CISD2: variants seen among roughly 807,000 people sequenced by gnomAD.
CISD2 encodes CDGSH iron sulfur domain 2.
Under a neutral mutation model 12.9 loss-of-function variants are expected in CISD2, and 1 was observed. The observed-to-expected ratio is 0.08, with a 90% CI of 0.03 to 0.37. The LOEUF is 0.37. Ranked by LOEUF, CISD2 falls within the 10% of genes least tolerant of loss-of-function variation. The pLI is 0.99. For missense variants in CISD2, 97 were observed against 163.1 expected (o/e 0.59, Z 2.21); for synonymous variants, 50 against 60.6 (o/e 0.83, Z 0.81).
chr4:102,875,075 C>T (rs1422945112), intron 1 of CISD2, among the ~76,000 whole-genome samples: 2 of 152,210 alleles, frequency 1.3e-5, no homozygotes, highest in African/African-American at 4.8e-5. Flanking sequence ...CATACGGCAC[C>T]TGCTCAGTTC....
intron 2 of CISD2, among the ~76,000 whole-genome samples, chr4:102,886,561 T>TA (rs2110402311): frequency 6.6e-6 from 1 of 152,268 alleles, no homozygotes; most frequent in South Asian, 2.1e-4. Flanking sequence ...TAATTATTAT[T>TA]ATGTGTATCT....
At chr4:102,886,207 G>A (rs1257672153) in intron 2 of CISD2, among the ~76,000 whole-genome samples, 1 of 152,138 alleles carries the variant, frequency 6.6e-6, no homozygotes, top group Non-Finnish European at 1.5e-5. Flanking sequence ...AATACACGCA[G>A]GCCAGGCGCG....
chr4:102,879,349 T>C (rs565839427), intron 1 of CISD2, among the ~76,000 whole-genome samples: 10 of 152,290 alleles, frequency 6.6e-5, no homozygotes, highest in Non-Finnish European at 1.0e-4. Flanking sequence ...TAGTAAGCAC[T>C]TAATAAAAAT....
chr4:102,869,660 A>G, intron 1 of CISD2: 1 of 611,648 alleles, frequency 1.6e-6, no homozygotes, highest in South Asian at 1.9e-5. Flanking sequence ...CGTAACACGT[A>G]TATGACCGTT....
intron 1 of CISD2, among the ~76,000 whole-genome samples, chr4:102,872,607 T>G (rs965776113): frequency 4.6e-5 from 7 of 152,250 alleles, no homozygotes; most frequent in Admixed American, 4.6e-4. Flanking sequence ...GTTCTAGTTC[T>G]GTGGAATGTA....
intron 1 of CISD2, among the ~76,000 whole-genome samples, chr4:102,873,429 A>G (rs188759637): frequency 5.3e-5 from 8 of 151,862 alleles, no homozygotes; most frequent in African/African-American, 1.9e-4. Flanking sequence ...ACGCTACCAC[A>G]CCTGGCTCAT....
chr4:102,892,575 T>C lies in CISD2; in HGVS notation c.*5145T>C, dbSNP rs1210283084. 1 of 152,234 alleles carries C rather than the reference T, an allele frequency of 6.6e-6. No homozygotes were observed. Among genetic ancestry groups the C allele is most frequent in the African/African-American group, 2.4e-5 (1 of 41,468 alleles). The allele number at this position is 152,234 out of a possible 1,614,324, so 9.4% of individuals were successfully genotyped here. A position where few individuals can be genotyped will look rare whatever the true frequency, so the allele number is the denominator to read the frequency against. The stretch of plus-strand genomic sequence containing the variant: ...TTCCTTTGGTTTAAATGCTTGATTC[T>C]TCGCTTACAAAACTTCTGTTTTGAA... On this transcript the variant is annotated 3_prime_UTR_variant, in exon 3 of 3. Coordinates refer to ENST00000273986, the MANE Select transcript of CISD2 (RefSeq NM_001008388.5).
chr4:102,869,305 C>G (rs1733353684), intron 1 of CISD2, 118 bp downstream of exon 1: 1 of 1,394,266 alleles, frequency 7.2e-7, no homozygotes, highest in Non-Finnish European at 9.8e-7. Flanking sequence ...ACGTGATCCC[C>G]GCGCGCAGAG....
intron 1 of CISD2, chr4:102,884,957 C>A (rs1415877340): frequency 9.3e-6 from 4 of 430,128 alleles, no homozygotes; most frequent in African/African-American, 8.0e-5. Flanking sequence ...TTGATGTAGA[C>A]AATGAGATAG....
chr4:102,884,118 A>G (rs778775868), intron 1 of CISD2, among the ~76,000 whole-genome samples: 16 of 152,264 alleles, frequency 1.1e-4, no homozygotes, highest in Admixed American at 2.0e-4. Context: ...TTTTAGATCT[A>G]TTGGGTTTGA....
intron 1 of CISD2, among the ~76,000 whole-genome samples, chr4:102,884,709 C>G (rs1248809633): frequency 6.6e-6 from 1 of 152,100 alleles, no homozygotes; most frequent in Non-Finnish European, 1.5e-5. Context: ...AGCTTTTACA[C>G]AAAATTTCAG....
At chr4:102,886,982 T>TA (rs1229401550) in intron 2 of CISD2, among the ~76,000 whole-genome samples, 1 of 152,186 alleles carries the variant, frequency 6.6e-6, no homozygotes, top group Non-Finnish European at 1.5e-5. Context: ...AAATTATAAT[T>TA]TATTTTGAAT....
At chr4:102,875,153 C>T (rs557051800) in intron 1 of CISD2, among the ~76,000 whole-genome samples, 2 of 152,362 alleles carry the variant, frequency 1.3e-5, no homozygotes, top group African/African-American at 4.8e-5. Context: ...TAATGCATGT[C>T]ATATCTCCGT....
intron 1 of CISD2, among the ~76,000 whole-genome samples, chr4:102,873,667 C>T (rs1259995525): frequency 7.5e-6 from 1 of 133,698 alleles, no homozygotes; most frequent in African/African-American, 2.9e-5. Context: ...AAGGCTGAGG[C>T]AAGAGAATTG....
At chr4:102,877,164 T>G (rs2110394721) in intron 1 of CISD2, among the ~76,000 whole-genome samples, 1 of 152,368 alleles carries the variant, frequency 6.6e-6, no homozygotes, top group East Asian at 1.9e-4. Flanking sequence ...CTCCAGAGTC[T>G]TAATTCATTT....
chr4:102,879,614 A>T (rs1341383472), intron 1 of CISD2, among the ~76,000 whole-genome samples: 1 of 152,124 alleles, frequency 6.6e-6, no homozygotes, highest in African/African-American at 2.4e-5. Context: ...TCTACTAAAA[A>T]TATAAAAATT....
chr4:102,885,152 T>C, intron 1 of CISD2, 64 bp from the exon 2 acceptor site: 1 of 312,802 alleles, frequency 3.2e-6, no homozygotes, highest in East Asian at 9.1e-5. Context: ...AGGATGAAAC[T>C]AGACATGCTA....
chr4:102,879,483 T>C (rs1733666084), intron 1 of CISD2, among the ~76,000 whole-genome samples: 1 of 152,114 alleles, frequency 6.6e-6, no homozygotes, highest in Non-Finnish European at 1.5e-5. Flanking sequence ...AACTGAGCGC[T>C]TCACAAACAC....
intron 1 of CISD2, among the ~76,000 whole-genome samples, chr4:102,874,093 TC>T (rs1335342150): frequency 1.3e-5 from 2 of 148,934 alleles, no homozygotes; most frequent in Non-Finnish European, 3.0e-5. Flanking sequence ...GCCACTGCAC[TC>T]CAGCCTGGGC....
Sources: gnomAD v4.1 joint callset for allele counts (sites outside exome capture counted in the v4.1 genomes callset) on GRCh38, gnomAD v4.1.1 for gene constraint, MANE v1.5 for transcripts, NCBI Gene and HGNC (gene_info 2026-07-23, HGNC 2026-07-21) for gene names.